Variants in DCC observed in about 807,000 individuals in gnomAD.
DCC encodes DCC netrin 1 receptor.
A neutral mutation model predicts 172.5 loss-of-function variants in DCC; 58 were observed. The ratio of observed to expected loss-of-function variants is 0.34; its 90% CI spans 0.27 to 0.42. The LOEUF is 0.42. DCC is among the 10% of genes least tolerant of loss of function. DCC has a pLI of 1.00. For missense variants in DCC, 1,740 were observed against 1,791.0 expected (o/e 0.97, Z 0.51); for synonymous variants, 709 against 644.5 (o/e 1.10, Z -1.52).
At chr18:53,400,067 G>A (rs1909201515) in intron 18 of DCC, among the ~76,000 whole-genome samples, 1 of 152,018 alleles carries the variant, frequency 6.6e-6, no homozygotes, top group South Asian at 2.1e-4. Flanking sequence ...TGAGCGAATT[G>A]TGGTCCAATA....
At chr18:52,920,503 G>A (rs553830076) in intron 3 of DCC, among the ~76,000 whole-genome samples, 46 of 151,982 alleles carry the variant, frequency 3.0e-4, no homozygotes, top group South Asian at 2.3e-3. Flanking sequence ...ACCATTACAC[G>A]TGTATTAGAA....
At chr18:53,523,027 G>T (rs2046417341) in intron 27 of DCC, among the ~76,000 whole-genome samples, 1 of 152,040 alleles carries the variant, frequency 6.6e-6, no homozygotes, top group South Asian at 2.1e-4. Context: ...CTGACAAAGG[G>T]CTAATATCCA....
intron 21 of DCC, among the ~76,000 whole-genome samples, chr18:53,434,387 A>G (rs1164528766): frequency 6.6e-6 from 1 of 152,200 alleles, no homozygotes; most frequent in East Asian, 1.9e-4. Context: ...TGAATGCACC[A>G]GTAGAGAAAA....
At chr18:53,128,868 C>CAT (rs1461421322) in intron 7 of DCC, among the ~76,000 whole-genome samples, 13 of 57,436 alleles carry the variant, frequency 2.3e-4, no homozygotes, top group East Asian at 5.7e-4. Context: ...CACACACACA[C>CAT]ACATATATAT....
At chr18:52,807,491 G>C (rs1368191254) in intron 2 of DCC, among the ~76,000 whole-genome samples, 1 of 151,666 alleles carries the variant, frequency 6.6e-6, no homozygotes, top group East Asian at 2.0e-4. Context: ...ATACATACTT[G>C]ATTGTTTTAA....
intron 5 of DCC, among the ~76,000 whole-genome samples, chr18:52,930,286 A>G (rs147886597): frequency 6.6e-6 from 1 of 151,972 alleles, no homozygotes; most frequent in Non-Finnish European, 1.5e-5. Flanking sequence ...ATTGTGGAAC[A>G]TTATCATGTT....
At chr18:52,574,749 T>G (rs1380593127) in intron 1 of DCC, among the ~76,000 whole-genome samples, 1 of 152,198 alleles carries the variant, frequency 6.6e-6, no homozygotes, top group East Asian at 1.9e-4. Context: ...TAGTCCACTG[T>G]TGAAGTCACT....
chr18:52,503,726 G>A (rs2031119039), intron 1 of DCC, among the ~76,000 whole-genome samples: 1 of 151,976 alleles, frequency 6.6e-6, no homozygotes, highest in South Asian at 2.1e-4. Flanking sequence ...TGATTGCAGG[G>A]TCCTCCATTA....
chr18:52,625,990 T>C (rs763328150), intron 1 of DCC, among the ~76,000 whole-genome samples: 1 of 152,210 alleles, frequency 6.6e-6, no homozygotes, highest in Non-Finnish European at 1.5e-5. Context: ...CAATGTTTGC[T>C]GTAAACAGAG....
chr18:52,732,183 G>A (rs1202466920), intron 1 of DCC, among the ~76,000 whole-genome samples: 6 of 152,064 alleles, frequency 3.9e-5, no homozygotes, highest in Admixed American at 3.3e-4. Context: ...ACATACCCAC[G>A]AAGTGATGGT....
intron 5 of DCC, among the ~76,000 whole-genome samples, chr18:52,941,869 G>A (rs1346317029): frequency 6.6e-6 from 1 of 151,926 alleles, no homozygotes; most frequent in Non-Finnish European, 1.5e-5. Context: ...TGCAATCTCT[G>A]CCTGCCAGGT....
chr18:53,176,450 A>G lies in DCC; in HGVS notation c.1419-2512A>G, dbSNP rs951277909. Among the ~76,000 whole-genome samples the G allele has an allele frequency of 5.4e-5, 8 of 149,102 alleles. 1 individual carries two copies. The highest frequency in any genetic ancestry group is 2.0e-4 in the African/African-American group (8 of 39,538). ...CTCATCTGACAAAGGGCTAATATCC[A>G]GTATCTACAATGAACTCAAACAAAT... On this transcript the variant is annotated intron_variant, in intron 8 of 28. Transcript: ENST00000442544.
chr18:52,501,733 G>A (rs1050651104), intron 1 of DCC, among the ~76,000 whole-genome samples: 3 of 152,096 alleles, frequency 2.0e-5, no homozygotes, highest in African/African-American at 7.2e-5. Flanking sequence ...ATATATTGCT[G>A]TCAAAATTTC....
intron 5 of DCC, among the ~76,000 whole-genome samples, chr18:53,007,833 C>T (rs2041668378): frequency 6.6e-6 from 1 of 151,982 alleles, no homozygotes; most frequent in Non-Finnish European, 1.5e-5. Flanking sequence ...GGTGATAGGG[C>T]CATTTGGGAG....
chr18:52,994,108 C>T (rs2145627476), intron 5 of DCC, among the ~76,000 whole-genome samples: 1 of 152,168 alleles, frequency 6.6e-6, no homozygotes, highest in South Asian at 2.1e-4. Flanking sequence ...AGTCCTATTG[C>T]TTAACTCTCT....
chr18:53,091,861 AT>A (rs1568299405), intron 7 of DCC, among the ~76,000 whole-genome samples: 2 of 63,322 alleles, frequency 3.2e-5, no homozygotes, highest in East Asian at 1.4e-3. Context: ...CAATCTATCT[AT>A]ATATATATAT....
intron 9 of DCC, among the ~76,000 whole-genome samples, chr18:53,184,728 C>T (rs560057992): frequency 2.6e-5 from 4 of 152,180 alleles, no homozygotes; most frequent in Middle Eastern, 3.4e-3. Context: ...TATGGGACCA[C>T]CTTGGTATAT....
intron 18 of DCC, among the ~76,000 whole-genome samples, chr18:53,399,028 T>C (rs1355058761): frequency 2.0e-5 from 3 of 152,128 alleles, no homozygotes; most frequent in Non-Finnish European, 2.9e-5. Context: ...TGAAATGGCT[T>C]GTGATAAAGA....
chr18:52,694,237 C>A (rs2035975540), intron 1 of DCC, among the ~76,000 whole-genome samples: 1 of 152,022 alleles, frequency 6.6e-6, no homozygotes. Flanking sequence ...CCCAAACTGT[C>A]AAGGTGGTGA....
Sources: allele counts gnomAD v4.1 joint callset (sites outside exome capture counted in the v4.1 genomes callset), GRCh38; gene constraint gnomAD v4.1.1; transcripts MANE v1.5; gene names NCBI Gene and HGNC (gene_info 2026-07-23, HGNC 2026-07-21).